The following MRC1 variants were observed in gnomAD, a reference collection of about 807,000 sequenced individuals.
MRC1 encodes macrophage mannose receptor 1.
A neutral mutation model predicts 102.9 loss-of-function variants in MRC1; 62 were observed. The ratio of observed to expected loss-of-function variants is 0.60; its 90% confidence interval spans 0.49 to 0.74. The LOEUF (loss-of-function observed/expected upper bound fraction) is 0.74. MRC1 is among the 30% of genes least tolerant of loss of function. MRC1 has a pLI of 0.00. For missense variants in MRC1, 1,237 were observed against 862.8 expected, an observed-to-expected ratio of 1.43 and a Z score of -5.43; for synonymous variants, 457 against 298.4, an observed-to-expected ratio of 1.53 and a Z score of -5.48.
intron 14 of MRC1, among the ~76,000 whole-genome samples, chr10:17,871,636 T>C (rs1304859849): frequency 5.9e-5 from 9 of 152,224 alleles, no homozygotes; most frequent in Non-Finnish European, 1.5e-5. Context: ...TCCATTGGGT[T>C]GTAAATTTAG....
At chr10:17,895,756 C>T (rs923404078) in intron 23 of MRC1, among the ~76,000 whole-genome samples, 1,577 of 152,212 alleles carry the variant, frequency 0.01, 9 homozygotes, top group Admixed American at 0.017. Flanking sequence ...GGGCTTACCC[C>T]GGGAGGGTTC....
chr10:17,864,713 C>T lies in MRC1; in HGVS notation c.1783+1031C>T, dbSNP rs1205822795. Among the ~76,000 whole-genome samples, 3 of 151,782 alleles carry T rather than the reference C, an allele frequency of 2.0e-5. No individual in the cohort carries two copies. The South Asian group carries it at 6.2e-4, about 32-fold the overall frequency. ...GTGCAGTGGTGCGTGCCTGTCATCCCAGCTACTTGGGAGGCTGAGGCAGGA... is the reference window on the plus strand; with the variant it reads ...GTGCAGTGGTGCGTGCCTGTCATCCTAGCTACTTGGGAGGCTGAGGCAGGA... On this transcript the variant is annotated intron_variant, in intron 11 of 29. Transcript: ENST00000569591.
intron 21 of MRC1, among the ~76,000 whole-genome samples, chr10:17,883,771 A>C (rs1833551378): frequency 6.6e-6 from 1 of 152,188 alleles, no homozygotes; most frequent in Non-Finnish European, 1.5e-5. Flanking sequence ...CTAGGAGTTA[A>C]TGACTCAGGT....
intron 4 of MRC1, among the ~76,000 whole-genome samples, chr10:17,837,043 C>T (rs1165010785): frequency 2.0e-5 from 3 of 152,100 alleles, no homozygotes; most frequent in Admixed American, 6.5e-5. Context: ...GTGATCTGAG[C>T]GGACAGCGGC....
chr10:17,877,919 A>T lies in MRC1; in HGVS notation c.2570A>T (p.Gln857Leu). 1 of 872,254 alleles carries T rather than the reference A, an allele frequency of 1.1e-6. No individual in the cohort carries two copies. Among genetic ancestry groups the T allele is most frequent in the South Asian group, 1.3e-5 (1 of 76,524 alleles). 54.0% of individuals were successfully genotyped at this position (872,254 alleles called of 1,614,324 possible). The change falls in exon 18 of 30, where the codon CAG becomes CTG. Residue 857 changes from glutamine to leucine, a missense_variant. Transcript: ENST00000569591. ...TTTCAGGTAAACAGAAATGATGCAC[A>T]GTCTGCATATTTTATTGGTTTATTG... ...LWKYVNRNDAQSAYFIGLLIS... is the reference protein window; with the variant it reads ...LWKYVNRNDALSAYFIGLLIS...
intron 12 of MRC1, among the ~76,000 whole-genome samples, chr10:17,869,073 G>T (rs1374506208): frequency 6.6e-6 from 1 of 152,226 alleles, no homozygotes; most frequent in East Asian, 1.9e-4. Context: ...AAGGGTATCA[G>T]GGGCTTCAGT....
rs1833199210 is a variant in MRC1 at position 17,862,508 on chromosome 10, G to T, written c.1634+1006G>T. Reference sequence around the variant, plus strand: ...TTTGTGCATCTACATTTGGACATTTGTACATCCAGATGTGCATGATTTCAC... The same window carrying T: ...TTTGTGCATCTACATTTGGACATTTTTACATCCAGATGTGCATGATTTCAC... On this transcript the variant is annotated intron_variant, in intron 10 of 29. Transcript: ENST00000569591. Among the ~76,000 whole-genome samples the T allele has an allele frequency of 2.6e-5, 4 of 152,046 alleles. No homozygotes were observed. The South Asian group carries it at 6.2e-4, about 24-fold the overall frequency.
intron 2 of MRC1, 148 bp from the exon 3 acceptor site, chr10:17,827,394 A>ATCCCTCTGTGGGTGC: frequency 2.4e-6 from 1 of 410,340 alleles, no homozygotes; most frequent in Non-Finnish European, 4.4e-6. Context: ...AAAAAAAAAA[A>ATCCCTCTGTGGGTGC]AAAAAAAAAA....
rs1184876253 is a variant in MRC1, at chr10:17,809,442, G to C, written c.-24G>C. On this transcript the variant is annotated 5_prime_UTR_variant, in exon 1 of 30. Coordinates refer to ENST00000569591, the MANE Select transcript of MRC1 (RefSeq NM_002438.4). ...AGTTCCGCCCTCCTGTCCATCAGGAGAAGGAAAGGATAAACCCTGGGCCAT... is the reference window on the plus strand; with the variant it reads ...AGTTCCGCCCTCCTGTCCATCAGGACAAGGAAAGGATAAACCCTGGGCCAT... 3.4e-6 allele frequency: 3 copies of C among 872,606 alleles called. No individual in the cohort carries two copies. Among genetic ancestry groups the C allele is most frequent in the African/African-American group, 1.6e-5 (1 of 61,296 alleles). 54.1% of individuals were successfully genotyped at this position (872,606 alleles called of 1,614,324 possible).
chr10:17,869,924 CTT>C (rs1833330840), intron 12 of MRC1, among the ~76,000 whole-genome samples: 3 of 152,174 alleles, frequency 2.0e-5, no homozygotes, highest in African/African-American at 7.2e-5. Context: ...ACTTTTTACA[CTT>C]AACCAAATTA....
intron 21 of MRC1, among the ~76,000 whole-genome samples, chr10:17,882,487 A>T (rs1589190670): frequency 6.6e-6 from 1 of 152,130 alleles, no homozygotes; most frequent in African/African-American, 2.4e-5. Context: ...ATATGGACTG[A>T]ATGTTATGTA....
intron 19 of MRC1, 81 bp downstream of exon 19, chr10:17,879,902 G>A: frequency 2.6e-6 from 2 of 779,856 alleles, no homozygotes; most frequent in Non-Finnish European, 4.8e-6. Context: ...GTAGCAAGTT[G>A]TGTGCTTACA....
In MRC1 at chr10:17,861,512, T is replaced by C. The variant is rs1160029710; in HGVS notation, c.1634+10T>C. 35 of 859,086 alleles carry C rather than the reference T, an allele frequency of 4.1e-5. No individual in the cohort carries two copies. The South Asian group carries it at 4.3e-4, about 11-fold the overall frequency. 53.2% of individuals were successfully genotyped at this position (859,086 alleles called of 1,614,324 possible). Reference sequence around the variant, plus strand: ...CAACTATTGAAGACAGGTATGTAACTATTTTAATTTCATTTTAAAATATGT... The same window carrying C: ...CAACTATTGAAGACAGGTATGTAACCATTTTAATTTCATTTTAAAATATGT... On this transcript the variant is annotated intron_variant, in intron 10 of 29. Coordinates refer to ENST00000569591, the MANE Select transcript of MRC1 (RefSeq NM_002438.4).
intron 1 of MRC1, among the ~76,000 whole-genome samples, chr10:17,812,596 G>A (rs1320391828): frequency 4.3e-5 from 6 of 138,794 alleles, no homozygotes; most frequent in African/African-American, 1.6e-4. Flanking sequence ...TTTTGAGATG[G>A]AGTCTCTCTC....
intron 5 of MRC1, among the ~76,000 whole-genome samples, chr10:17,843,830 G>T (rs903736907): frequency 6.6e-6 from 1 of 152,128 alleles, no homozygotes; most frequent in African/African-American, 2.4e-5. Context: ...TGTGGAGCAG[G>T]TAATATGATT....
At chr10:17,870,100 T>C (rs1833333589) in intron 12 of MRC1, 146 bp from the exon 13 acceptor site, 1 of 657,558 alleles carries the variant, frequency 1.5e-6, no homozygotes, top group Admixed American at 2.5e-5. Context: ...ATAAACTGAT[T>C]TTAAAGCAAA....
At chr10:17,856,857 C>T (rs1214776254) in intron 9 of MRC1, among the ~76,000 whole-genome samples, 5 of 152,206 alleles carry the variant, frequency 3.3e-5, no homozygotes, top group East Asian at 3.9e-4. Flanking sequence ...AGTAGGTCAC[C>T]GCAGTCGGGA....
chr10:17,879,441 G>A (rs898933777), intron 18 of MRC1, among the ~76,000 whole-genome samples: 1 of 152,120 alleles, frequency 6.6e-6, no homozygotes, highest in Non-Finnish European at 1.5e-5. Flanking sequence ...TGCAGCCTCC[G>A]CCTCCCAGTT....
At chr10:17,891,201 C>G (rs1480590314) in intron 22 of MRC1, among the ~76,000 whole-genome samples, 2 of 151,226 alleles carry the variant, frequency 1.3e-5, no homozygotes, top group African/African-American at 4.9e-5. Context: ...GAGTCTCACT[C>G]TGTTGCCCAG....
Sources: gnomAD v4.1 joint callset for allele counts (sites outside exome capture counted in the v4.1 genomes callset) on GRCh38, gnomAD v4.1.1 for gene constraint, MANE v1.5 for transcripts, NCBI Gene and HGNC (gene_info 2026-07-23, HGNC 2026-07-21) for gene names.